The following HTR3A variants were observed in gnomAD, a reference collection of about 807,000 sequenced individuals.
HTR3A encodes the protein 5-hydroxytryptamine receptor 3A, also known as 5-hydroxytryptamine (serotonin) receptor 3A, ionotropic.
In HTR3A, 45 loss-of-function variants were observed where a neutral mutation model predicts 54.8. The ratio of observed to expected loss-of-function variants is 0.82; its 90% CI spans 0.65 to 1.05. The LOEUF (loss-of-function observed/expected upper bound fraction) is 1.05, where lower values mean the gene tolerates loss of function less well. Among genes scored for constraint, HTR3A ranks in the 50% least tolerant of loss-of-function variants. The pLI, the probability that HTR3A is intolerant of heterozygous loss-of-function variation, is 0.00. For missense variants in HTR3A, 657 were observed against 614.0 expected, an observed-to-expected ratio of 1.07 and a Z score of -0.74; for synonymous variants, 297 against 256.0, an observed-to-expected ratio of 1.16 and a Z score of -1.53.
At chr11:113,977,467 G>T in intron 1 of HTR3A, 4 of 1,471,236 alleles carry the variant, frequency 2.7e-6, no homozygotes, top group South Asian at 1.2e-5. Flanking sequence ...CACCTGCTCC[G>T]ACCTTCTTAG....
At chr11:113,982,720 C>T (rs946970456) in intron 4 of HTR3A, among the ~76,000 whole-genome samples, 3 of 152,180 alleles carry the variant, frequency 2.0e-5, no homozygotes. Flanking sequence ...ACACAAGATC[C>T]TGCTCTTTCA....
In HTR3A at chr11:113,990,074, T is replaced by C. The variant is rs577189710; in HGVS notation, c.*311T>C. 3.1e-5 allele frequency: 17 copies of C among 553,596 alleles called. No individual in the cohort carries two copies. The highest frequency in any genetic ancestry group is 2.4e-4 in the South Asian group (16 of 65,354). The allele number at this position is 553,596 out of a possible 1,614,324, so 34.3% of individuals were successfully genotyped here. A position where few individuals can be genotyped will look rare whatever the true frequency, so the allele number is the denominator to read the frequency against. The stretch of plus-strand genomic sequence containing the variant: ...CCCTAAGTCCACTCTAGTTGTGGAC[T>C]TTTCCCCATTGACCCTCACCTGAAT... On this transcript the variant is annotated 3_prime_UTR_variant, in exon 9 of 9. Coordinates refer to ENST00000504030, the MANE Select transcript of HTR3A (RefSeq NM_000869.6).
intron 5 of HTR3A, among the ~76,000 whole-genome samples, chr11:113,984,195 C>G (rs1186029934): frequency 6.6e-6 from 1 of 152,156 alleles, no homozygotes; most frequent in African/African-American, 2.4e-5. Context: ...AGTTTCAGCT[C>G]CTCAGTTTAC....
chr11:113,986,630 G>A lies in HTR3A; in HGVS notation c.818G>A (p.Arg273Lys), dbSNP rs1449663230. The change falls in exon 7 of 9, where the codon AGG (arginine) becomes AAG (lysine). Residue 273 changes from arginine (R) to lysine (K), a missense_variant. Transcript: ENST00000504030. ...TACCTGCCCCCCAACAGTGGCGAGA[G>A]GGTCTCTTTCAAGATTACACTCCTC... ...GFYLPPNSGE[R>K]VSFKITLLLG... is the part of the protein sequence containing the mutation. 2.5e-6 allele frequency: 4 copies of A among 1,613,882 alleles called. No homozygotes were observed. The highest frequency in any genetic ancestry group is 3.4e-6 in the Non-Finnish European group (4 of 1,180,042).
At chr11:113,979,899 G>A (rs1029862215) in intron 3 of HTR3A, among the ~76,000 whole-genome samples, 3 of 152,158 alleles carry the variant, frequency 2.0e-5, no homozygotes, top group Non-Finnish European at 4.4e-5. Context: ...CTGAACACAC[G>A]GAGGCAGAAG....
rs191849656 is a variant in HTR3A at position 113,989,425 on chromosome 11, G to T, written c.1139-40G>T. 3 of 1,610,766 alleles carry T rather than the reference G, an allele frequency of 1.9e-6. No homozygotes were observed. Among genetic ancestry groups the T allele is most frequent in the African/African-American group, 1.3e-5 (1 of 74,802 alleles). Reference sequence around the variant, plus strand: ...AGGAACCATGTTCAGGTCACCACCCGGGGTCTCCCTCTCTTGCCAATGCCC... The same window carrying T: ...AGGAACCATGTTCAGGTCACCACCCTGGGTCTCCCTCTCTTGCCAATGCCC... On this transcript the variant is annotated intron_variant, in intron 8 of 8. Transcript: ENST00000504030. The surrounding 1 kb of genome is among the most constrained non-coding windows in gnomAD (Gnocchi z 4.4).
intron 3 of HTR3A, chr11:113,980,958 A>G (rs754686570): frequency 5.7e-6 from 3 of 524,194 alleles, no homozygotes; most frequent in Non-Finnish European, 1.0e-5. Flanking sequence ...ATTCGAAATG[A>G]CTGACTTCCT....
chr11:113,984,338 G>A (rs901796074), intron 5 of HTR3A, among the ~76,000 whole-genome samples: 5 of 152,154 alleles, frequency 3.3e-5, no homozygotes, highest in African/African-American at 9.7e-5. Flanking sequence ...AGAAAGGGGC[G>A]GGTGCAGTGG....
intron 5 of HTR3A, 76 bp downstream of exon 5, chr11:113,983,365 C>T: frequency 4.6e-6 from 7 of 1,526,886 alleles, no homozygotes; most frequent in Non-Finnish European, 6.3e-6. Flanking sequence ...GAGTGCTCCC[C>T]AGGGCGCCTT....
At chr11:113,977,570 C>A in intron 1 of HTR3A, 1 of 1,543,350 alleles carries the variant, frequency 6.5e-7, no homozygotes, top group Non-Finnish European at 8.8e-7. Context: ...TAGGTCCTTT[C>A]TACAAGGTAA....
At position 113,975,415 on chromosome 11, in the gene HTR3A, C is replaced by T. The variant is rs1405629882; in HGVS notation, c.67+23C>T. The T allele has an allele frequency of 3.1e-6, 5 of 1,596,804 alleles. No individual in the cohort carries two copies. In the East Asian group the frequency reaches 1.1e-4, roughly 36 times the overall value. Reference sequence around the variant, plus strand: ...AAGGTAAGCAGACTTCGGGAAGCAGCAGGACTTGGCTGACCATCTGCTGAG... The same window carrying T: ...AAGGTAAGCAGACTTCGGGAAGCAGTAGGACTTGGCTGACCATCTGCTGAG... On this transcript the variant is annotated intron_variant, in intron 1 of 8. Transcript: ENST00000504030.
rs538625622 is a variant in HTR3A, at chr11:113,976,613, G to A, written c.68-1158G>A. Among the ~76,000 whole-genome samples the A allele has an allele frequency of 2.8e-4, 34 of 119,550 alleles. No homozygotes were observed. The East Asian group carries it at 5.3e-3, about 19-fold the overall frequency. 78.4% of individuals were successfully genotyped at this position (119,550 alleles called of 152,430 possible). A position where few individuals can be genotyped will look rare whatever the true frequency, so the allele number is the denominator to read the frequency against. On this transcript the variant is annotated intron_variant, in intron 1 of 8. Transcript: ENST00000504030. The stretch of plus-strand genomic sequence containing the variant: ...TGTGTGTGTGTGTGTGTGTGTGTGT[G>A]TTCTCTCTGCTCTTCTCTGTCCTTC...
chr11:113,983,158 A>G lies in HTR3A; in HGVS notation c.413A>G (p.Tyr138Cys). ...VGKSPNIPYV[Y>C]IRHQGEVQNY... ...AAGTCTCCAAATATCCCGTACGTGT[A>G]TATTCGGCATCAAGGCGAAGTTCAG... The change falls in exon 5 of 9, where the codon TAT becomes TGT. Residue 138 changes from tyrosine to cysteine, a missense_variant. Coordinates refer to ENST00000504030, the MANE Select transcript of HTR3A (RefSeq NM_000869.6). The G allele has an allele frequency of 6.2e-7, 1 of 1,614,224 alleles. No homozygotes were observed. The highest frequency in any genetic ancestry group is 8.5e-7 in the Non-Finnish European group (1 of 1,180,028).
At chr11:113,980,402 A>C (rs1277434181) in intron 3 of HTR3A, among the ~76,000 whole-genome samples, 1 of 152,266 alleles carries the variant, frequency 6.6e-6, no homozygotes, top group Non-Finnish European at 1.5e-5. Flanking sequence ...GGCAAGGACA[A>C]GGTGCTAACT....
intron 1 of HTR3A, among the ~76,000 whole-genome samples, chr11:113,976,055 G>A (rs558756133): frequency 6.6e-6 from 1 of 152,252 alleles, no homozygotes; most frequent in South Asian, 2.1e-4. Flanking sequence ...TCCTTTTGCT[G>A]CAGACCATGT....
intron 5 of HTR3A, 25 bp from the exon 6 acceptor site, chr11:113,985,989 AG>A (rs750378093): frequency 6.2e-7 from 1 of 1,613,906 alleles, no homozygotes; most frequent in Non-Finnish European, 8.5e-7. Flanking sequence ...TAGATTCCAA[AG>A]CTGGCTTGCT....
rs1950532208 is a variant in HTR3A, at chr11:113,989,892, T to C, written c.*129T>C. Reference sequence around the variant, plus strand: ...AAGACACAGACAAAGTCCCGTGCCCTGTTTCCAATGCCAATTCATCTCAGC... The same window carrying C: ...AAGACACAGACAAAGTCCCGTGCCCCGTTTCCAATGCCAATTCATCTCAGC... On this transcript the variant is annotated 3_prime_UTR_variant, in exon 9 of 9. Transcript: ENST00000504030. The surrounding 1 kb of genome is among the most constrained non-coding windows in gnomAD (Gnocchi z 4.4). The C allele has an allele frequency of 9.7e-7, 1 of 1,035,680 alleles. No individual in the cohort carries two copies. Among genetic ancestry groups the C allele is most frequent in the Non-Finnish European group, 1.5e-6 (1 of 679,304 alleles). The allele number at this position is 1,035,680 out of a possible 1,614,324, so 64.2% of individuals were successfully genotyped here. A position where few individuals can be genotyped will look rare whatever the true frequency, so the allele number is the denominator to read the frequency against.
chr11:113,988,424 C>G (rs1372444922), intron 8 of HTR3A, among the ~76,000 whole-genome samples: 1 of 152,238 alleles, frequency 6.6e-6, no homozygotes, highest in Non-Finnish European at 1.5e-5. Flanking sequence ...TATGTGACCA[C>G]AGGCTAGTCA....
In HTR3A at chr11:113,989,475, C is replaced by A; in HGVS notation, c.1149C>A (p.Asn383Lys). 1 of 1,614,110 alleles carries A rather than the reference C, an allele frequency of 6.2e-7. No homozygotes were observed. The highest frequency in any genetic ancestry group is 1.3e-5 in the African/African-American group (1 of 75,054). Residue 383 changes from asparagine to lysine, a missense_variant, in exon 9 of 9, where the codon AAC becomes AAA. Transcript: ENST00000504030. The surrounding 1 kb of genome is among the most constrained non-coding windows in gnomAD (Gnocchi z 4.4). ...CTGCCCTTCTTCCAGCCATGGGAAA[C>A]CACTGCAGCCACATGGGAGGACCCC... is the stretch of plus-strand genomic sequence containing the variant. ...TKTDDCSAMG[N>K]HCSHMGGPQD...
Sources: allele counts gnomAD v4.1 joint callset (sites outside exome capture counted in the v4.1 genomes callset), GRCh38; gene constraint gnomAD v4.1.1; non-coding constraint Gnocchi (gnomAD v3.1); transcripts MANE v1.5; gene names NCBI Gene and HGNC (gene_info 2026-07-23, HGNC 2026-07-21).